Variants in CLECL1 observed in about 807,000 individuals in gnomAD.
CLECL1 encodes C-type lectin like 1.
downstream of CLECL1, among the ~76,000 whole-genome samples, chr12:9,711,518 A>G (rs905132681): frequency 3.3e-5 from 5 of 152,084 alleles, no homozygotes; most frequent in East Asian, 9.6e-4. Context: ...TATTTAAAAA[A>G]AAAAAAAAAT....
At chr12:9,704,056 TAAAC>T in the CLECL1 span, 5 of 152,324 alleles carry the variant, frequency 3.3e-5, no homozygotes, top group Admixed American at 2.0e-4. Context: ...CTAGTGATGT[TAAAC>T]AATGTGTTAA....
chr12:9,721,192 T>G (rs185392297), downstream of CLECL1, among the ~76,000 whole-genome samples: 1 of 151,760 alleles, frequency 6.6e-6, no homozygotes, highest in East Asian at 1.9e-4. Context: ...TGATGACACT[T>G]GGATACCCTA....
intron 1 of CLECL1, among the ~76,000 whole-genome samples, chr12:9,731,386 T>G (rs978224765): frequency 6.6e-6 from 1 of 152,196 alleles, no homozygotes; most frequent in Non-Finnish European, 1.5e-5. Flanking sequence ...TGTAGAAAGA[T>G]TCAGCATTTT....
chr12:9,725,956 C>T (rs7976474), intron 3 of CLECL1, among the ~76,000 whole-genome samples: 32,790 of 151,798 alleles, frequency 0.22, 4,416 homozygotes, highest in African/African-American at 0.39. Flanking sequence ...AATCAGTGAG[C>T]CTTTCATCAG....
chr12:9,703,622 T>C, the CLECL1 span, among the ~76,000 whole-genome samples: 2 of 152,124 alleles, frequency 1.3e-5, no homozygotes, highest in African/African-American at 4.8e-5. Context: ...CTCAAAATTT[T>C]GGGGTCAAAC....
intron 1 of CLECL1, among the ~76,000 whole-genome samples, chr12:9,729,990 G>C (rs1287949447): frequency 6.6e-6 from 1 of 152,126 alleles, no homozygotes; most frequent in East Asian, 1.9e-4. Context: ...TCTCTAATAA[G>C]CTTATTGACA....
the CLECL1 span, among the ~76,000 whole-genome samples, chr12:9,705,103 C>G: frequency 4.3e-4 from 66 of 152,258 alleles, no homozygotes; most frequent in African/African-American, 1.5e-3. Context: ...TAATAGCCAT[C>G]TGACTGGTGT....
the CLECL1 span, among the ~76,000 whole-genome samples, chr12:9,703,239 G>C: frequency 6.6e-6 from 1 of 152,140 alleles, no homozygotes; most frequent in Non-Finnish European, 1.5e-5. Flanking sequence ...CAAGATTTAT[G>C]TCCCTTAAGG....
At chr12:9,719,355 T>C (rs1866280367), downstream of CLECL1, among the ~76,000 whole-genome samples, 1 of 151,924 alleles carries the variant, frequency 6.6e-6, no homozygotes, top group African/African-American at 2.4e-5. Context: ...AGAAACCCCG[T>C]CTCTACTAAA....
chr12:9,732,909 TA>T, intron 1 of CLECL1, 39 bp downstream of exon 1: 1 of 1,490,902 alleles, frequency 6.7e-7, no homozygotes, highest in Non-Finnish European at 9.1e-7. Flanking sequence ...AGATAACTAG[TA>T]AAATCTTAAT....
chr12:9,721,140 C>T (rs2121046272), downstream of CLECL1, among the ~76,000 whole-genome samples: 1 of 152,282 alleles, frequency 6.6e-6, no homozygotes, highest in Middle Eastern at 3.4e-3. Flanking sequence ...CCTCTGCCCT[C>T]CTTCTCCTTT....
the CLECL1 span, among the ~76,000 whole-genome samples, chr12:9,702,242 G>T: frequency 6.6e-6 from 1 of 152,278 alleles, no homozygotes; most frequent in South Asian, 2.1e-4. Flanking sequence ...CAGCGGGATA[G>T]GGAGCTGGAA....
At chr12:9,719,603 A>G (rs1305156910), downstream of CLECL1, among the ~76,000 whole-genome samples, 1 of 152,112 alleles carries the variant, frequency 6.6e-6, no homozygotes, top group East Asian at 1.9e-4. Flanking sequence ...TAAATAAATA[A>G]GCAGAGCGTG....
chr12:9,722,747 T>C, exon 4 of CLECL1: 1 of 1,614,032 alleles, frequency 6.2e-7, no homozygotes, highest in Non-Finnish European at 8.5e-7. Flanking sequence ...CCAGTAACAT[T>C]TTCCCTTATG....
chr12:9,704,759 G>A, the CLECL1 span, among the ~76,000 whole-genome samples: 20 of 152,248 alleles, frequency 1.3e-4, no homozygotes, highest in African/African-American at 4.8e-4. Context: ...TTTTATGGCT[G>A]CATAGTATTC....
downstream of CLECL1, among the ~76,000 whole-genome samples, chr12:9,720,218 A>G (rs1866292546): frequency 6.6e-6 from 1 of 152,088 alleles, no homozygotes; most frequent in African/African-American, 2.4e-5. Flanking sequence ...ATGTTCCCCC[A>G]GTTCCCTAAG....
chr12:9,730,005 C>A (rs373376086), intron 1 of CLECL1, among the ~76,000 whole-genome samples: 145 of 152,170 alleles, frequency 9.5e-4, no homozygotes, highest in African/African-American at 3.2e-3. Context: ...TTGACAACAC[C>A]CATTTATTTG....
chr12:9,729,947 G>A (rs1866426878), intron 1 of CLECL1, among the ~76,000 whole-genome samples: 1 of 151,756 alleles, frequency 6.6e-6, no homozygotes, highest in South Asian at 2.1e-4. Context: ...TGTGTCTCTG[G>A]GTTTTTATAT....
In CLECL1 at chr12:9,731,126, A is replaced by G. The variant is rs1427046964; in HGVS notation, n.83-1450T>C. Among the ~76,000 whole-genome samples the G allele has an allele frequency of 2.0e-5, 3 of 152,240 alleles. No individual in the cohort carries two copies. The East Asian group carries it at 5.8e-4, about 29-fold the overall frequency. ...CTCCTAAGTAAGATTTAAGCAAAGC[A>G]TAAATTTCTGGGATATTCTCAGTTC... On this transcript the variant is annotated intron_variant and non_coding_transcript_variant, in intron 1 of 3. Coordinates refer to ENST00000621400, the Ensembl canonical transcript of CLECL1.
Sources: allele counts gnomAD v4.1 joint callset (sites outside exome capture counted in the v4.1 genomes callset), GRCh38; gene constraint gnomAD v4.1.1; transcripts MANE v1.5; gene names NCBI Gene and HGNC (gene_info 2026-07-23, HGNC 2026-07-21).